Variants in MLLT10 observed in about 807,000 individuals in gnomAD.
The protein encoded by MLLT10 is MLLT10 histone lysine methyltransferase DOT1L cofactor.
A neutral mutation model predicts 129.1 loss-of-function variants in MLLT10; 30 were observed. The observed-to-expected ratio is 0.23, with a 90% CI of 0.17 to 0.32. MLLT10 has a LOEUF of 0.32. Ranked by LOEUF, MLLT10 falls within the 10% of genes least tolerant of loss-of-function variation. MLLT10 has a pLI of 1.00. For synonymous variants in MLLT10, 490 were observed against 446.4 expected (o/e 1.10, Z -1.23); for missense variants, 1,119 against 1,268.3 (o/e 0.88, Z 1.79).
At chr10:21,665,173 T>C (rs553248456) in intron 9 of MLLT10, among the ~76,000 whole-genome samples, 46 of 151,870 alleles carry the variant, frequency 3.0e-4, no homozygotes, top group African/African-American at 1.1e-3. Context: ...CCTGAACTCT[T>C]GGCCTCAAGT....
intron 21 of MLLT10, among the ~76,000 whole-genome samples, chr10:21,736,206 A>G (rs1264804952): frequency 6.6e-6 from 1 of 152,152 alleles, no homozygotes; most frequent in African/African-American, 2.4e-5. Context: ...CAAAAGTGGA[A>G]AAAGGGAGTG....
chr10:21,689,639 A>ATT (rs1491455225), intron 13 of MLLT10, among the ~76,000 whole-genome samples: 95 of 137,408 alleles, frequency 6.9e-4, no homozygotes, highest in Admixed American at 4.0e-3. Flanking sequence ...ACACACACAC[A>ATT]TTTATATATA....
At chr10:21,656,473 CAT>C (rs1208472603) in intron 9 of MLLT10, among the ~76,000 whole-genome samples, 7 of 152,108 alleles carry the variant, frequency 4.6e-5, no homozygotes, top group African/African-American at 1.4e-4. Context: ...ATGTCTGTAT[CAT>C]GTAGTGTTTG....
intron 11 of MLLT10, among the ~76,000 whole-genome samples, chr10:21,675,421 C>T (rs1408231402): frequency 1.3e-5 from 2 of 152,202 alleles, no homozygotes; most frequent in Non-Finnish European, 2.9e-5. Context: ...TGTCTCCAAA[C>T]ATTGTTTAAT....
chr10:21,580,450 A>G (rs1195252858), intron 3 of MLLT10, among the ~76,000 whole-genome samples: 3 of 147,250 alleles, frequency 2.0e-5, no homozygotes, highest in Non-Finnish European at 3.0e-5. Context: ...GTGCAGTGGC[A>G]TGATCTTGGC....
At chr10:21,543,281 C>T (rs147687362) in intron 3 of MLLT10, among the ~76,000 whole-genome samples, 4,240 of 151,984 alleles carry the variant, frequency 0.028, 200 homozygotes, top group African/African-American at 0.096. Context: ...TCACCATGCC[C>T]GGCTAATTTT....
intron 14 of MLLT10, among the ~76,000 whole-genome samples, chr10:21,725,352 T>C (rs2044132580): frequency 6.6e-6 from 1 of 152,204 alleles, no homozygotes; most frequent in South Asian, 2.1e-4. Context: ...TGGGGTTTGG[T>C]ATCAGCTAGA....
intron 21 of MLLT10, among the ~76,000 whole-genome samples, chr10:21,736,728 A>G (rs1465062214): frequency 6.6e-6 from 1 of 152,244 alleles, no homozygotes; most frequent in Non-Finnish European, 1.5e-5. Context: ...TGTCATGGAC[A>G]CACTAAGCTT....
chr10:21,626,696 C>T (rs901101896), intron 8 of MLLT10, among the ~76,000 whole-genome samples: 16 of 152,178 alleles, frequency 1.1e-4, no homozygotes, highest in Non-Finnish European at 1.9e-4. Flanking sequence ...CTTCTGTGGC[C>T]CTCAAAGGAA....
intron 7 of MLLT10, among the ~76,000 whole-genome samples, chr10:21,616,845 A>G (rs2045314652): frequency 6.6e-6 from 1 of 151,982 alleles, no homozygotes; most frequent in South Asian, 2.1e-4. Flanking sequence ...GAAAATATAT[A>G]GTAGCTTATT....
At position 21,673,348 on chromosome 10, in the gene MLLT10, A is replaced by G; in HGVS notation, c.1052-2A>G. On this transcript the variant is annotated splice_acceptor_variant, in intron 10 of 22. Transcript: ENST00000307729. LOFTEE classifies it high-confidence loss of function. ...TTTTTTTTTTTTTTTTTTAAACTAC[A>G]GGCAGTTTTTCAGGAACTCCAGGCA... The G allele has an allele frequency of 6.0e-6, 5 of 830,426 alleles. No homozygotes were observed. The highest frequency in any genetic ancestry group is 7.5e-6 in the Non-Finnish European group (5 of 668,886). 51.4% of individuals were successfully genotyped at this position (830,426 alleles called of 1,614,324 possible).
intron 4 of MLLT10, among the ~76,000 whole-genome samples, chr10:21,594,834 CA>C (rs558808825): frequency 0.013 from 1,392 of 111,326 alleles, 20 homozygotes; most frequent in African/African-American, 0.039. Flanking sequence ...AACTCCATCT[CA>C]AAAAAAAAAA....
chr10:21,602,679 T>C (rs964102849), intron 5 of MLLT10, among the ~76,000 whole-genome samples: 3 of 152,212 alleles, frequency 2.0e-5, no homozygotes, highest in African/African-American at 7.2e-5. Context: ...ATGTAATCCA[T>C]TATGGTTTTC....
intron 13 of MLLT10, among the ~76,000 whole-genome samples, chr10:21,690,139 CAG>C (rs373443968): frequency 2.4e-4 from 37 of 151,950 alleles, no homozygotes; most frequent in Middle Eastern, 3.4e-3. Context: ...GTAGAGAAGA[CAG>C]AAAGAGGTTG....
chr10:21,742,414 A>G lies in MLLT10; in HGVS notation c.*431A>G, dbSNP rs1450335921. ...TGAAATATGCTCTTTTGTTTGGGTT[A>G]CAGTATGCTTGCTCTAAGTCAAATT... On this transcript the variant is annotated 3_prime_UTR_variant, in exon 23 of 23. Transcript: ENST00000307729. 4.5e-6 allele frequency: 1 copy of G among 223,718 alleles called. No individual in the cohort carries two copies. The highest frequency in any genetic ancestry group is 2.2e-5 in the African/African-American group (1 of 44,802). The allele number at this position is 223,718 out of a possible 1,614,324, so 13.9% of individuals were successfully genotyped here.
chr10:21,695,076 T>G (rs1589684301), intron 13 of MLLT10, among the ~76,000 whole-genome samples: 1 of 149,190 alleles, frequency 6.7e-6, no homozygotes, highest in Non-Finnish European at 1.5e-5. Context: ...TTTTTTTTTT[T>G]TTTTTGTTTG....
intron 13 of MLLT10, among the ~76,000 whole-genome samples, chr10:21,691,575 G>T (rs1014048527): frequency 7.2e-5 from 11 of 152,066 alleles, no homozygotes; most frequent in African/African-American, 2.4e-4. Context: ...TTTATTTCAT[G>T]TTGCCAATAG....
At chr10:21,714,947 A>T (rs1442443563) in intron 14 of MLLT10, among the ~76,000 whole-genome samples, 2 of 152,252 alleles carry the variant, frequency 1.3e-5, no homozygotes, top group East Asian at 3.9e-4. Context: ...CCCCAAAGAT[A>T]ATCATTTAAG....
At chr10:21,537,764 C>T (rs901081223) in intron 2 of MLLT10, among the ~76,000 whole-genome samples, 4 of 152,048 alleles carry the variant, frequency 2.6e-5, no homozygotes, top group Admixed American at 6.6e-5. Context: ...CCACCGCGTC[C>T]GACCTGAATT....
Sources: allele counts gnomAD v4.1 joint callset (sites outside exome capture counted in the v4.1 genomes callset), GRCh38; gene constraint gnomAD v4.1.1; transcripts MANE v1.5; gene names NCBI Gene and HGNC (gene_info 2026-07-23, HGNC 2026-07-21).